Variants in IL31RA observed in about 807,000 individuals in gnomAD.
IL31RA encodes interleukin 31 receptor A, also known as interleukin-31 receptor subunit alpha.
IL31RA carries 66 observed loss-of-function variants against 83.7 expected under a neutral mutation model. The ratio of observed to expected loss-of-function variants is 0.79; its 90% CI spans 0.65 to 0.97. The LOEUF (loss-of-function observed/expected upper bound fraction) is 0.97. IL31RA is among the 50% of genes least tolerant of loss of function. The pLI, the probability that IL31RA is intolerant of heterozygous loss-of-function variation, is 0.00. For missense variants in IL31RA, 798 were observed against 919.4 expected, an observed-to-expected ratio of 0.87 and a Z score of 1.71; for synonymous variants, 325 against 329.0, an observed-to-expected ratio of 0.99 and a Z score of 0.13.
chr5:55,913,652 G>C (rs1749628227), intron 13 of IL31RA, 82 bp downstream of exon 13: 2 of 858,402 alleles, frequency 2.3e-6, no homozygotes, highest in African/African-American at 1.6e-5. Context: ...TCGTAGGAGA[G>C]GGCACTCTAC....
chr5:55,905,105 G>A (rs954591590), intron 8 of IL31RA, among the ~76,000 whole-genome samples: 7 of 150,834 alleles, frequency 4.6e-5, no homozygotes, highest in Admixed American at 4.0e-4. Context: ...GGAGGCTGAG[G>A]CACAAGAATC....
chr5:55,885,644 C>T (rs957228028), intron 5 of IL31RA, among the ~76,000 whole-genome samples: 2 of 152,194 alleles, frequency 1.3e-5, no homozygotes, highest in Non-Finnish European at 2.9e-5. Flanking sequence ...CTGATGTAAA[C>T]ACTTGGGCGG....
At chr5:55,894,472 G>T (rs1360345177) in intron 6 of IL31RA, among the ~76,000 whole-genome samples, 1 of 152,186 alleles carries the variant, frequency 6.6e-6, no homozygotes, top group African/African-American at 2.4e-5. Flanking sequence ...GGATTCAGAT[G>T]AAATAATATG....
intron 4 of IL31RA, among the ~76,000 whole-genome samples, chr5:55,873,052 T>G: frequency 6.6e-6 from 1 of 152,168 alleles, no homozygotes; most frequent in East Asian, 1.9e-4. Context: ...TCATACCCAT[T>G]AGCAGTCAGT....
chr5:55,889,635 A>C, intron 5 of IL31RA, among the ~76,000 whole-genome samples: 1 of 152,224 alleles, frequency 6.6e-6, no homozygotes, highest in East Asian at 1.9e-4. Flanking sequence ...TCCTAGGCCC[A>C]GGTTGCCCTG....
At position 55,917,013 on chromosome 5, in the gene IL31RA, C is replaced by T; in HGVS notation, c.2188C>T (p.His730Tyr). The T allele has an allele frequency of 8.1e-6, 13 of 1,614,180 alleles. No homozygotes were observed. Among genetic ancestry groups the T allele is most frequent in the Non-Finnish European group, 1.1e-5 (13 of 1,180,014 alleles). The change falls in exon 15 of 15, where the codon CAT becomes TAT. Residue 730 changes from histidine (H) to tyrosine (Y), a missense_variant. Transcript: ENST00000652347. ...LFSGQSLVPD[H>Y]LCEEGAPNPY... ...TTCTGGTCAAAGTTTAGTACCAGATCATCTGTGTGAGGAAGGAGCCCCAAA... is the reference window on the plus strand; with the variant it reads ...TTCTGGTCAAAGTTTAGTACCAGATTATCTGTGTGAGGAAGGAGCCCCAAA...
At chr5:55,885,742 G>C (rs984550979) in intron 5 of IL31RA, among the ~76,000 whole-genome samples, 4 of 152,110 alleles carry the variant, frequency 2.6e-5, no homozygotes, top group Admixed American at 6.5e-5. Context: ...TCTCCCCCCA[G>C]CTTCCTTTCT....
chr5:55,918,839 G>C lies in IL31RA; in HGVS notation c.*1719G>C, dbSNP rs138067420. Among the ~76,000 whole-genome samples the C allele has an allele frequency of 8.7e-4, 133 of 152,162 alleles. No individual in the cohort carries two copies. The highest frequency in any genetic ancestry group is 2.9e-3 in the African/African-American group (121 of 41,464). ...CAGGACTCAGTACTCCTGGTTTACG[G>C]AACAGTGACTTCTGGTACACCAAGG... On this transcript the variant is annotated 3_prime_UTR_variant, in exon 15 of 15. Coordinates refer to ENST00000652347, the MANE Select transcript of IL31RA (RefSeq NM_139017.7).
intron 6 of IL31RA, among the ~76,000 whole-genome samples, chr5:55,892,565 A>G (rs1188861282): frequency 6.6e-6 from 1 of 152,240 alleles, no homozygotes; most frequent in Admixed American, 6.5e-5. Context: ...GGAGATGTTC[A>G]TGCAGTATCA....
At chr5:55,872,653 AT>A (rs1746602344) in intron 4 of IL31RA, among the ~76,000 whole-genome samples, 1 of 150,128 alleles carries the variant, frequency 6.7e-6, no homozygotes, top group Non-Finnish European at 1.5e-5. Flanking sequence ...GGAGGGAGGG[AT>A]TCACCAAATG....
rs577067977 is a variant in IL31RA at position 55,891,337 on chromosome 5, C to T, written c.772+1202C>T. On this transcript the variant is annotated intron_variant, in intron 6 of 14. Transcript: ENST00000652347. ...TATCAGTTTTCTATTGCTGCTGTAA[C>T]AATACAAATTTAGTGGCTTAATGCA... 9.8e-4 allele frequency among the ~76,000 whole-genome samples: 149 copies of T among 152,330 alleles called. 1 individual carries two copies. Among genetic ancestry groups the T allele is most frequent in the Admixed American group, 1.8e-3 (28 of 15,304 alleles).
At chr5:55,893,790 A>G (rs1056900854) in intron 6 of IL31RA, among the ~76,000 whole-genome samples, 3 of 151,546 alleles carry the variant, frequency 2.0e-5, no homozygotes, top group Non-Finnish European at 4.4e-5. Flanking sequence ...ACAAAAACAA[A>G]ATGGCTGCCT....
At position 55,910,524 on chromosome 5, in the gene IL31RA, T is replaced by C; in HGVS notation, c.1502-8T>C. ...CTGTGGTGTTTGACCTTTGTATTTT[T>C]CCTTTAGCCAAGACAGTCAATTCCA... On this transcript the variant is annotated splice_polypyrimidine_tract_variant and splice_region_variant and intron_variant, in intron 11 of 14. Coordinates refer to ENST00000652347, the MANE Select transcript of IL31RA (RefSeq NM_139017.7). 2 of 1,614,112 alleles carry C rather than the reference T, an allele frequency of 1.2e-6. No homozygotes were observed. Among genetic ancestry groups the C allele is most frequent in the Non-Finnish European group, 1.7e-6 (2 of 1,179,994 alleles).
chr5:55,907,303 T>G, intron 9 of IL31RA, 56 bp from the exon 10 acceptor site: 1 of 1,005,308 alleles, frequency 9.9e-7, no homozygotes, highest in Non-Finnish European at 1.6e-6. Flanking sequence ...TAGTCTAGTA[T>G]TCCCCCCACT....
In IL31RA at chr5:55,859,500, C is replaced by G. The variant is rs373098114; in HGVS notation, c.64-9C>G. ...AAGCAAACCAACTCTTGACTGATGT[C>G]ATTTTCAGCTCTCTCCCCAGCCTTC... On this transcript the variant is annotated splice_polypyrimidine_tract_variant and intron_variant, in intron 1 of 14. Coordinates refer to ENST00000652347, the MANE Select transcript of IL31RA (RefSeq NM_139017.7). The G allele has an allele frequency of 7.5e-6, 12 of 1,608,884 alleles. No homozygotes were observed. In the African/African-American group the frequency reaches 1.6e-4, roughly 22 times the overall value.
intron 1 of IL31RA, 118 bp downstream of exon 1, chr5:55,851,751 G>A (rs146330324): frequency 6.9e-6 from 11 of 1,594,850 alleles, no homozygotes; most frequent in East Asian, 4.5e-5. Flanking sequence ...ATCCTGAGCC[G>A]TATGAGATTC....
rs918919770 is a variant in IL31RA at position 55,921,578 on chromosome 5, G to C, written c.*4458G>C. Reference sequence around the variant, plus strand: ...TTTGCGTGACTGTGTCCCATCAAAGGTTATGCTGATTTACAGTATCACCAG... The same window carrying C: ...TTTGCGTGACTGTGTCCCATCAAAGCTTATGCTGATTTACAGTATCACCAG... On this transcript the variant is annotated 3_prime_UTR_variant, in exon 15 of 15. Coordinates refer to ENST00000652347, the MANE Select transcript of IL31RA (RefSeq NM_139017.7). 1.3e-5 allele frequency among the ~76,000 whole-genome samples: 2 copies of C among 152,172 alleles called. No homozygotes were observed. Among genetic ancestry groups the C allele is most frequent in the African/African-American group, 4.8e-5 (2 of 41,434 alleles).
At chr5:55,841,443 G>A in the IL31RA span, among the ~76,000 whole-genome samples, 2 of 152,170 alleles carry the variant, frequency 1.3e-5, no homozygotes, top group Non-Finnish European at 2.9e-5. Flanking sequence ...TTAATAAGCA[G>A]CAGTTTATTG....
At chr5:55,902,881 C>T (rs10471959) in intron 8 of IL31RA, among the ~76,000 whole-genome samples, 39,922 of 151,948 alleles carry the variant, frequency 0.26, 5,648 homozygotes, top group Middle Eastern at 0.37. Flanking sequence ...ATTTTATAGA[C>T]GGCAAAGGGA....
Sources: gnomAD v4.1 joint callset for allele counts (sites outside exome capture counted in the v4.1 genomes callset) on GRCh38, gnomAD v4.1.1 for gene constraint, MANE v1.5 for transcripts, NCBI Gene and HGNC (gene_info 2026-07-23, HGNC 2026-07-21) for gene names.